Variants in ABCA13 observed in about 807,000 individuals in gnomAD.
The protein encoded by ABCA13 is ATP binding cassette subfamily A member 13, also known as ATP-binding cassette sub-family A member 13.
ABCA13 carries 476 observed loss-of-function variants against 478.7 expected under a neutral mutation model. The observed-to-expected ratio is 0.99, with a 90% CI of 0.92 to 1.07. The LOEUF is 1.07. ABCA13 is among the 50% of genes least tolerant of loss of function. The pLI, the probability that ABCA13 is intolerant of heterozygous loss-of-function variation, is 0.00. For synonymous variants in ABCA13, 2,252 were observed against 2,158.9 expected, an observed-to-expected ratio of 1.04 and a Z score of -1.20; for missense variants, 6,060 against 5,910.6, an observed-to-expected ratio of 1.03 and a Z score of -0.83.
intron 31 of ABCA13, among the ~76,000 whole-genome samples, chr7:48,355,186 T>C (rs1809689300): frequency 6.6e-6 from 1 of 151,876 alleles, no homozygotes; most frequent in South Asian, 2.1e-4. Context: ...GGAAATAGGA[T>C]GAGCAGGGTC....
intron 55 of ABCA13, among the ~76,000 whole-genome samples, chr7:48,555,205 C>T (rs1785687572): frequency 6.6e-6 from 1 of 151,812 alleles, no homozygotes; most frequent in African/African-American, 2.4e-5. Context: ...GATGAATGAT[C>T]TTTTTAATTC....
chr7:48,435,203 T>C (rs1424974550), intron 42 of ABCA13, among the ~76,000 whole-genome samples: 1 of 151,864 alleles, frequency 6.6e-6, no homozygotes, highest in Non-Finnish European at 1.5e-5. Context: ...TAGTGTTGAG[T>C]GTACAAGTTG....
intron 46 of ABCA13, among the ~76,000 whole-genome samples, chr7:48,482,464 G>A (rs558891373): frequency 4.0e-5 from 6 of 151,640 alleles, no homozygotes; most frequent in East Asian, 1.9e-4. Flanking sequence ...TGTAACCTCC[G>A]CCTCCCAGGT....
chr7:48,232,424 A>G (rs1403323674), intron 7 of ABCA13, among the ~76,000 whole-genome samples: 1 of 152,148 alleles, frequency 6.6e-6, no homozygotes, highest in African/African-American at 2.4e-5. Flanking sequence ...GAATGTAATT[A>G]AAATAAACAA....
chr7:48,244,620 C>G lies in ABCA13; in HGVS notation c.1307C>G (p.Pro436Arg). ...WKLQSLLQNL[P>R]QWPALKRFLQ... is the part of the protein sequence containing the mutation. ...TTGCAAAGCTTGCTGCAAAACCTGCCCCAGTGGCCGGCACTGAAGAGATTT... is the reference window on the plus strand; with the variant it reads ...TTGCAAAGCTTGCTGCAAAACCTGCGCCAGTGGCCGGCACTGAAGAGATTT... Residue 436 changes from proline (P) to arginine (R), a missense_variant, in exon 11 of 62, where the codon CCC (proline) becomes CGC (arginine). Pro to Arg is a moderately radical substitution (Grantham distance 103, BLOSUM62 -2). Coordinates refer to ENST00000435803, the MANE Select transcript of ABCA13 (RefSeq NM_152701.5). 6.2e-7 allele frequency: 1 copy of G among 1,613,426 alleles called. No individual in the cohort carries two copies. The highest frequency in any genetic ancestry group is 8.5e-7 in the Non-Finnish European group (1 of 1,179,634).
At chr7:48,318,712 C>T (rs1352133284) in intron 27 of ABCA13, among the ~76,000 whole-genome samples, 2 of 152,002 alleles carry the variant, frequency 1.3e-5, no homozygotes, top group African/African-American at 2.4e-5. Context: ...AGCCTCTGCG[C>T]CATTACTCGA....
chr7:48,325,504 A>G (rs1177918004), intron 27 of ABCA13, among the ~76,000 whole-genome samples: 10 of 152,036 alleles, frequency 6.6e-5, no homozygotes, highest in Non-Finnish European at 1.3e-4. Context: ...AGCTTTTGGT[A>G]CTTTCAGTGA....
intron 45 of ABCA13, among the ~76,000 whole-genome samples, chr7:48,474,845 A>G (rs1173527406): frequency 6.6e-6 from 1 of 152,192 alleles, no homozygotes; most frequent in Non-Finnish European, 1.5e-5. Context: ...CCTAAGGCCT[A>G]TTGGGATTAG....
intron 55 of ABCA13, among the ~76,000 whole-genome samples, chr7:48,545,557 T>C (rs936693317): frequency 6.6e-6 from 1 of 151,686 alleles, no homozygotes; most frequent in Admixed American, 6.6e-5. Context: ...AGCTCATATA[T>C]CATTTTTTTT....
intron 23 of ABCA13, among the ~76,000 whole-genome samples, chr7:48,309,033 G>GCAAACACACA (rs1801340675): frequency 7.2e-6 from 1 of 138,050 alleles, no homozygotes; most frequent in South Asian, 2.6e-4. Context: ...ACACATGACT[G>GCAAACACACA]CACACACACA....
chr7:48,480,869 A>G (rs1361856939), intron 45 of ABCA13, among the ~76,000 whole-genome samples, 167 bp from the exon 46 acceptor site: 2 of 152,244 alleles, frequency 1.3e-5, no homozygotes, highest in African/African-American at 4.8e-5. Flanking sequence ...ATTCTCAAAT[A>G]CATGTGACTG....
chr7:48,535,893 T>C (rs10250415), intron 55 of ABCA13, among the ~76,000 whole-genome samples: 69,914 of 152,070 alleles, frequency 0.46, 18,887 homozygotes, highest in African/African-American at 0.75. Context: ...AGTCAATTTC[T>C]GGGCAGTTGG....
chr7:48,414,174 T>C (rs981409352), intron 41 of ABCA13, among the ~76,000 whole-genome samples: 9 of 152,242 alleles, frequency 5.9e-5, no homozygotes, highest in African/African-American at 2.2e-4. Flanking sequence ...CTTGTCTGGC[T>C]GTCTCCTATT....
intron 46 of ABCA13, 70 bp from the exon 47 acceptor site, chr7:48,483,006 T>C: frequency 7.6e-7 from 1 of 1,317,342 alleles, no homozygotes; most frequent in Non-Finnish European, 1.1e-6. Flanking sequence ...GGGTTAGTAA[T>C]GAATACCCTC....
intron 41 of ABCA13, among the ~76,000 whole-genome samples, chr7:48,421,251 T>C (rs35196519): frequency 0.38 from 57,746 of 151,822 alleles, 11,639 homozygotes; most frequent in African/African-American, 0.51. Context: ...CCACTTTTCT[T>C]ACCCACCTGT....
At chr7:48,202,312 A>G (rs13228112) in intron 3 of ABCA13, among the ~76,000 whole-genome samples, 30,865 of 152,076 alleles carry the variant, frequency 0.2, 3,388 homozygotes, top group Middle Eastern at 0.26. Flanking sequence ...AGCTAGACAC[A>G]AAGGTTCTCC....
chr7:48,575,529 A>C (rs1788082887), intron 55 of ABCA13, among the ~76,000 whole-genome samples: 3 of 152,188 alleles, frequency 2.0e-5, no homozygotes, highest in African/African-American at 7.2e-5. Context: ...CGGAATATTA[A>C]ATTAGCGCTG....
chr7:48,600,707 A>T (rs1790800333), intron 58 of ABCA13, among the ~76,000 whole-genome samples: 1 of 152,126 alleles, frequency 6.6e-6, no homozygotes, highest in African/African-American at 2.4e-5. Flanking sequence ...TACCATATAT[A>T]TTGCATTTTA....
intron 55 of ABCA13, among the ~76,000 whole-genome samples, chr7:48,537,913 C>T (rs905621068): frequency 6.6e-6 from 1 of 151,934 alleles, no homozygotes; most frequent in Admixed American, 6.6e-5. Context: ...ATGAGGAGAA[C>T]AAGGAAGTTA....
Sources: allele counts gnomAD v4.1 joint callset (sites outside exome capture counted in the v4.1 genomes callset), GRCh38; gene constraint gnomAD v4.1.1; transcripts MANE v1.5; gene names NCBI Gene and HGNC (gene_info 2026-07-23, HGNC 2026-07-21).